Variants in MYO16 observed in about 807,000 individuals in gnomAD.
MYO16 encodes myosin XVI.
In MYO16, 94 loss-of-function variants were observed where a neutral mutation model predicts 205.3. The ratio of observed to expected loss-of-function variants is 0.46; its 90% confidence interval spans 0.39 to 0.54. The LOEUF is 0.54. MYO16 is among the 20% of genes least tolerant of loss of function. The pLI, the probability that MYO16 is intolerant of heterozygous loss-of-function variation, is 0.00. For missense variants in MYO16, 2,315 were observed against 2,387.5 expected (o/e 0.97, Z 0.63); for synonymous variants, 988 against 954.0 (o/e 1.04, Z -0.66).
intron 33 of MYO16, among the ~76,000 whole-genome samples, chr13:109,174,251 A>G (rs1195323088): frequency 6.6e-6 from 1 of 152,188 alleles, no homozygotes; most frequent in Non-Finnish European, 1.5e-5. Flanking sequence ...GGAGCTCAAG[A>G]GAAAAGGACT....
intron 20 of MYO16, among the ~76,000 whole-genome samples, chr13:108,976,438 C>T (rs559640674): frequency 1.1e-4 from 16 of 152,178 alleles, no homozygotes; most frequent in African/African-American, 2.6e-4. Context: ...TAAAACCAAA[C>T]GTTTTTTATG....
chr13:108,771,970 GTT>G (rs989971013), intron 4 of MYO16, among the ~76,000 whole-genome samples: 1 of 152,166 alleles, frequency 6.6e-6, no homozygotes, highest in Non-Finnish European at 1.5e-5. Context: ...GTGTGTAGGT[GTT>G]TGTGTGGATG....
intron 34 of MYO16, among the ~76,000 whole-genome samples, chr13:109,197,032 C>T (rs1414150860): frequency 1.3e-5 from 2 of 152,058 alleles, no homozygotes; most frequent in Non-Finnish European, 2.9e-5. Flanking sequence ...TAATTTTGGA[C>T]ATGTAAGTTT....
chr13:108,965,346 C>T (rs1011975763), intron 20 of MYO16, among the ~76,000 whole-genome samples: 3 of 152,148 alleles, frequency 2.0e-5, no homozygotes, highest in East Asian at 1.9e-4. Context: ...TCACTTATTT[C>T]GTGGATTATG....
chr13:108,851,390 A>C (rs1452022507), intron 10 of MYO16, among the ~76,000 whole-genome samples: 1 of 152,212 alleles, frequency 6.6e-6, no homozygotes, highest in Non-Finnish European at 1.5e-5. Context: ...ATATATTTAC[A>C]TCCATCCCTA....
chr13:108,833,905 G>T (rs909117422), intron 9 of MYO16, among the ~76,000 whole-genome samples: 1 of 151,516 alleles, frequency 6.6e-6, no homozygotes, highest in Admixed American at 6.6e-5. Flanking sequence ...AATGTTTATG[G>T]GATCTGTCTT....
chr13:109,152,205 C>T (rs1163508061), intron 32 of MYO16, among the ~76,000 whole-genome samples: 3 of 152,078 alleles, frequency 2.0e-5, no homozygotes, highest in Non-Finnish European at 2.9e-5. Context: ...TAACAAAGTC[C>T]CCTTAGATTT....
chr13:108,766,307 C>T (rs1220807755), intron 4 of MYO16, among the ~76,000 whole-genome samples: 1 of 152,184 alleles, frequency 6.6e-6, no homozygotes, highest in African/African-American at 2.4e-5. Context: ...ATAGAGATAG[C>T]CTGTCCTGAG....
chr13:108,863,694 G>A (rs1297738828), intron 11 of MYO16, among the ~76,000 whole-genome samples: 4 of 152,014 alleles, frequency 2.6e-5, no homozygotes, highest in Non-Finnish European at 5.9e-5. Flanking sequence ...AATTTTGTGT[G>A]TTGTTCTTAA....
rs1381387861 is a variant in MYO16, at chr13:109,165,002, T to A, written c.5266T>A (p.Leu1756Ile). Residue 1756 changes from leucine to isoleucine, a missense_variant, in exon 33 of 35, where the codon TTA becomes ATA. Transcript: ENST00000457511. ...AAATGCAAATAACCATGGAATTCAG[T>A]TATCTAATTCACTATCTAGTGCTAT... ...DRNANNHGIQ[L>I]SNSLSSAITA... 6.2e-7 allele frequency: 1 copy of A among 1,604,704 alleles called. No homozygotes were observed. Among genetic ancestry groups the A allele is most frequent in the South Asian group, 1.1e-5 (1 of 89,790 alleles).
At chr13:109,143,313 C>T (rs1877187636) in intron 32 of MYO16, among the ~76,000 whole-genome samples, 5 of 152,158 alleles carry the variant, frequency 3.3e-5, no homozygotes, top group Admixed American at 3.3e-4. Flanking sequence ...GAATAACCTT[C>T]TCCCTATTTA....
intron 27 of MYO16, among the ~76,000 whole-genome samples, chr13:109,082,003 G>C (rs9521166): frequency 6.6e-6 from 1 of 152,006 alleles, no homozygotes; most frequent in Admixed American, 6.5e-5. Flanking sequence ...TTTCAAAGCA[G>C]AGTTGAGTGT....
chr13:109,129,423 T>G (rs190491038), intron 31 of MYO16, among the ~76,000 whole-genome samples: 1 of 152,156 alleles, frequency 6.6e-6, no homozygotes, highest in East Asian at 1.9e-4. Flanking sequence ...AGATATAAAT[T>G]AGAACAGGAC....
At chr13:109,016,827 C>T (rs1455941186) in intron 22 of MYO16, among the ~76,000 whole-genome samples, 1 of 152,056 alleles carries the variant, frequency 6.6e-6, no homozygotes, top group Non-Finnish European at 1.5e-5. Context: ...GTAGATCTTC[C>T]TCCATCTCTT....
chr13:109,016,372 T>G (rs2139503479), intron 22 of MYO16, among the ~76,000 whole-genome samples: 1 of 152,328 alleles, frequency 6.6e-6, no homozygotes, highest in South Asian at 2.1e-4. Context: ...TGAGGAGTGC[T>G]TTACTTCCAA....
chr13:108,777,859 G>A (rs986625333), intron 4 of MYO16, among the ~76,000 whole-genome samples: 1 of 152,152 alleles, frequency 6.6e-6, no homozygotes, highest in South Asian at 2.1e-4. Context: ...CCTGGGGAAT[G>A]TCTCCTTCAG....
At chr13:108,965,035 G>C in intron 20 of MYO16, 133 bp downstream of exon 20, 1 of 975,530 alleles carries the variant, frequency 1.0e-6, no homozygotes, top group South Asian at 1.9e-5. Flanking sequence ...ATTTTAACAA[G>C]GTAATCTGAC....
chr13:109,173,930 G>T (rs1298564719), intron 33 of MYO16, among the ~76,000 whole-genome samples: 1 of 115,802 alleles, frequency 8.6e-6, no homozygotes, highest in Admixed American at 8.3e-5. Flanking sequence ...TCTCTGAAAG[G>T]GTTGTCCTTG....
intron 4 of MYO16, among the ~76,000 whole-genome samples, chr13:108,768,226 C>G (rs1236018922): frequency 3.9e-5 from 6 of 152,124 alleles, no homozygotes; most frequent in African/African-American, 1.4e-4. Flanking sequence ...TCCTCGGCTC[C>G]TTTGTGTTCC....
Sources: allele counts gnomAD v4.1 joint callset (sites outside exome capture counted in the v4.1 genomes callset), GRCh38; gene constraint gnomAD v4.1.1; transcripts MANE v1.5; gene names NCBI Gene and HGNC (gene_info 2026-07-23, HGNC 2026-07-21).